CEP76: variants seen among roughly 807,000 people sequenced by gnomAD.
CEP76 encodes centrosomal protein of 76 kDa.
A neutral mutation model predicts 83.3 loss-of-function variants in CEP76; 55 were observed. The observed-to-expected ratio is 0.66, with a 90% CI of 0.53 to 0.83. The LOEUF (loss-of-function observed/expected upper bound fraction) is 0.83, where lower values mean the gene tolerates loss of function less well. Ranked by LOEUF, CEP76 falls within the 40% of genes least tolerant of loss-of-function variation. The pLI is 0.00. For missense variants in CEP76, 694 were observed against 799.5 expected, an observed-to-expected ratio of 0.87 and a Z score of 1.59; for synonymous variants, 270 against 274.5, an observed-to-expected ratio of 0.98 and a Z score of 0.16.
At chr18:12,698,811 T>C in intron 4 of CEP76, 168 bp downstream of exon 4, 1 of 594,738 alleles carries the variant, frequency 1.7e-6, no homozygotes, top group Non-Finnish European at 3.0e-6. Flanking sequence ...GCAAACAGAA[T>C]ATTGCAAGAA....
At chr18:12,668,696 A>G (rs2038860031), downstream of CEP76, among the ~76,000 whole-genome samples, 1 of 149,990 alleles carries the variant, frequency 6.7e-6, no homozygotes, top group African/African-American at 2.4e-5. Flanking sequence ...AAGAAGATTC[A>G]ACTATGTGTT....
intron 12 of CEP76, among the ~76,000 whole-genome samples, chr18:12,663,166 T>C (rs2038733332): frequency 6.6e-6 from 1 of 152,182 alleles, no homozygotes; most frequent in Non-Finnish European, 1.5e-5. Context: ...ACACAAACTT[T>C]CCAAATACTC....
downstream of CEP76, among the ~76,000 whole-genome samples, chr18:12,671,353 A>G (rs1484026429): frequency 6.6e-6 from 1 of 152,216 alleles, no homozygotes; most frequent in Non-Finnish European, 1.5e-5. Flanking sequence ...TTGGATAGCC[A>G]ACTGGTATAG....
chr18:12,676,086 G>A (rs770861107), intron 10 of CEP76, among the ~76,000 whole-genome samples: 2 of 151,828 alleles, frequency 1.3e-5, no homozygotes, highest in Non-Finnish European at 2.9e-5. Context: ...TTATCATAAT[G>A]GATCTTTGGT....
At chr18:12,678,030 AC>A in intron 10 of CEP76, 78 bp downstream of exon 10, 1 of 1,070,052 alleles carries the variant, frequency 9.3e-7, no homozygotes, top group South Asian at 1.5e-5. Flanking sequence ...AGTGACTGGC[AC>A]TATCACACAC....
intron 12 of CEP76, among the ~76,000 whole-genome samples, chr18:12,666,848 A>T (rs1808299969): frequency 6.6e-6 from 1 of 152,174 alleles, no homozygotes; most frequent in African/African-American, 2.4e-5. Context: ...CAGGTTTATC[A>T]AAACTGAAGA....
At position 12,675,421 on chromosome 18, in the gene CEP76, T is replaced by A. The variant is rs577967485; in HGVS notation, c.1624-668A>T. On this transcript the variant is annotated intron_variant, in intron 10 of 11. Coordinates refer to ENST00000262127, the MANE Select transcript of CEP76 (RefSeq NM_024899.4). ...AAAAAAAATAAATAAATAAAATAAA[T>A]AAAAAAGAGTTTAGTAAGAATGAAT... 2.4e-3 allele frequency among the ~76,000 whole-genome samples: 370 copies of A among 151,736 alleles called. 3 individuals carry two copies. Among genetic ancestry groups the A allele is most frequent in the South Asian group, 0.014 (69 of 4,796 alleles).
chr18:12,670,981 AC>A (rs1245156276), downstream of CEP76: 2 of 152,164 alleles, frequency 1.3e-5, no homozygotes, highest in Admixed American at 6.6e-5. Context: ...CTAATTTTCT[AC>A]AGTCATGTCA....
chr18:12,702,278 G>A, intron 1 of CEP76: 1 of 543,912 alleles, frequency 1.8e-6, no homozygotes, highest in Non-Finnish European at 3.2e-6. Flanking sequence ...CCAGACTCTT[G>A]CTAGCACCTG....
chr18:12,667,760 CAAAA>C (rs67167827), downstream of CEP76, among the ~76,000 whole-genome samples: 1,206 of 89,930 alleles, frequency 0.013, 22 homozygotes, highest in African/African-American at 0.053. Flanking sequence ...GACTCTTTCT[CAAAA>C]AAAAAAAAAA....
Position 12,702,540 on chromosome 18 carries a change from C to A in CEP76, c.9G>T (p.Leu3=). Residue 3 remains leucine, a synonymous_variant, in exon 1 of 12, where the codon CTG becomes CTT. Transcript: ENST00000262127. ...TCAGCTCGGAGGCTTTCTCCGGAGG[C>A]AGCGACATGCTGGCAGCCGGCGTCT... MS[L]PPEKASELKQ... is the part of the protein sequence containing the mutation. The A allele has an allele frequency of 6.2e-7, 1 of 1,606,002 alleles. No individual in the cohort carries two copies.
intron 6 of CEP76, among the ~76,000 whole-genome samples, chr18:12,694,764 T>C (rs963447494): frequency 6.6e-6 from 1 of 151,574 alleles, no homozygotes; most frequent in Non-Finnish European, 1.5e-5. Context: ...CAGGCTGGAG[T>C]GCACTGGTGC....
chr18:12,692,582 T>C (rs1287290221), intron 6 of CEP76, among the ~76,000 whole-genome samples: 1 of 152,180 alleles, frequency 6.6e-6, no homozygotes, highest in African/African-American at 2.4e-5. Context: ...CCTTAGTCAC[T>C]CGACCTATAA....
At chr18:12,675,000 C>T (rs2039071015) in intron 10 of CEP76, among the ~76,000 whole-genome samples, 2 of 152,088 alleles carry the variant, frequency 1.3e-5, no homozygotes, top group African/African-American at 2.4e-5. Context: ...ACAAAGTCTC[C>T]AAATCCTGTA....
At chr18:12,687,380 T>A (rs1346503088) in intron 7 of CEP76, among the ~76,000 whole-genome samples, 1 of 152,120 alleles carries the variant, frequency 6.6e-6, no homozygotes, top group Non-Finnish European at 1.5e-5. Context: ...GAAAGATCAT[T>A]AATTTTTATG....
intron 6 of CEP76, among the ~76,000 whole-genome samples, chr18:12,693,975 G>A (rs985128389): frequency 1.3e-5 from 2 of 152,080 alleles, no homozygotes; most frequent in African/African-American, 2.4e-5. Flanking sequence ...GGGACTACAA[G>A]TATGTACCAC....
chr18:12,702,665 G>T lies in CEP76; in HGVS notation c.-117C>A. 1 of 1,149,420 alleles carries T rather than the reference G, an allele frequency of 8.7e-7. No homozygotes were observed. 71.2% of individuals were successfully genotyped at this position (1,149,420 alleles called of 1,614,324 possible). A position where few individuals can be genotyped will look rare whatever the true frequency, so the allele number is the denominator to read the frequency against. On this transcript the variant is annotated 5_prime_UTR_variant, in exon 1 of 12. Coordinates refer to ENST00000262127, the MANE Select transcript of CEP76 (RefSeq NM_024899.4). ...GGAGCACAAAGCGCCGCAGCCGTTCGCCTAGCGCAGCTCCCGGGGGACGCA... is the reference window on the plus strand; with the variant it reads ...GGAGCACAAAGCGCCGCAGCCGTTCTCCTAGCGCAGCTCCCGGGGGACGCA...
chr18:12,676,279 CTTTTTTTTTT>C (rs1157897766), intron 10 of CEP76, among the ~76,000 whole-genome samples: 77 of 106,430 alleles, frequency 7.2e-4, no homozygotes, highest in African/African-American at 2.6e-3. Flanking sequence ...ACAGTAATTC[CTTTTTTTTTT>C]TTTTTTTTTT....
At chr18:12,683,467 G>A (rs1325064017) in intron 8 of CEP76, among the ~76,000 whole-genome samples, 2 of 151,738 alleles carry the variant, frequency 1.3e-5, no homozygotes, top group Admixed American at 6.6e-5. Flanking sequence ...ATTGACTCAA[G>A]GAAACTTAAA....
Sources: gnomAD v4.1 joint callset for allele counts (sites outside exome capture counted in the v4.1 genomes callset) on GRCh38, gnomAD v4.1.1 for gene constraint, MANE v1.5 for transcripts, NCBI Gene and HGNC (gene_info 2026-07-23, HGNC 2026-07-21) for gene names.